Variants in GALNT14 observed in about 807,000 individuals in gnomAD.
GALNT14 encodes the protein polypeptide N-acetylgalactosaminyltransferase 14.
GALNT14 carries 60 observed loss-of-function variants against 77.5 expected under a neutral mutation model. That is an observed-to-expected ratio of 0.77 (90% CI 0.63 to 0.96). GALNT14 has a LOEUF of 0.96. Ranked by LOEUF, GALNT14 falls within the 40% of genes least tolerant of loss-of-function variation. GALNT14 has a pLI of 0.00. For synonymous variants in GALNT14, 280 were observed against 281.7 expected, an observed-to-expected ratio of 0.99 and a Z score of 0.06; for missense variants, 710 against 731.0, an observed-to-expected ratio of 0.97 and a Z score of 0.33.
In GALNT14 at chr2:30,911,056, A is replaced by G. The variant is rs1425628717; in HGVS notation, c.1504T>C (p.Trp502Arg). 2 of 1,613,522 alleles carry G rather than the reference A, an allele frequency of 1.2e-6. No homozygotes were observed. The highest frequency in any genetic ancestry group is 1.3e-5 in the African/African-American group (1 of 74,866). The change falls in exon 15 of 15, where the codon TGG becomes CGG. Residue 502 changes from tryptophan to arginine, a missense_variant. Physicochemically the swap from Trp to Arg is moderately radical, Grantham distance 101 (BLOSUM62 -3). Coordinates refer to ENST00000349752, the MANE Select transcript of GALNT14 (RefSeq NM_024572.4). Reference sequence around the variant, plus strand: ...TCGATGTGGGAACCAGTTTTGGTCCATTGCTGGTAAGACAAAGAAGAGAGT... The same window carrying G: ...TCGATGTGGGAACCAGTTTTGGTCCGTTGCTGGTAAGACAAAGAAGAGAGT... ...LCKNGDDRQQ[W>R]TKTGSHIEHI...
At chr2:31,078,430 AC>A (rs571437177) in intron 1 of GALNT14, among the ~76,000 whole-genome samples, 257 of 152,246 alleles carry the variant, frequency 1.7e-3, no homozygotes, top group African/African-American at 4.9e-3. Flanking sequence ...TGATAAGAAA[AC>A]CCTATTATTG....
chr2:30,949,204 T>A (rs1666880879), intron 6 of GALNT14, among the ~76,000 whole-genome samples: 3 of 152,162 alleles, frequency 2.0e-5, no homozygotes. Context: ...TCCGCTTTTG[T>A]ATTCCTCAGC....
chr2:31,114,995 C>T (rs10184641), intron 1 of GALNT14, among the ~76,000 whole-genome samples: 2,341 of 152,210 alleles, frequency 0.015, 51 homozygotes, highest in African/African-American at 0.053. Flanking sequence ...GCCTGTAATC[C>T]CAACACTTTA....
intron 9 of GALNT14, among the ~76,000 whole-genome samples, chr2:30,934,026 G>A (rs1455407185): frequency 1.3e-5 from 2 of 152,198 alleles, no homozygotes; most frequent in Non-Finnish European, 2.9e-5. Context: ...ATGACTTACA[G>A]ATGCTTCTTC....
rs568201469 is a variant in GALNT14 at position 31,042,989 on chromosome 2, C to T, written c.130-49982G>A. 2.6e-5 allele frequency among the ~76,000 whole-genome samples: 4 copies of T among 152,294 alleles called. No individual in the cohort carries two copies. In the East Asian group the frequency reaches 7.7e-4, roughly 29 times the overall value. On this transcript the variant is annotated intron_variant, in intron 1 of 14. Transcript: ENST00000349752. ...AAAGTCCCTTTTACAGCTTACAAAGCCATGCTGGATATGGCCACGGTCACC... is the reference window on the plus strand; with the variant it reads ...AAAGTCCCTTTTACAGCTTACAAAGTCATGCTGGATATGGCCACGGTCACC...
chr2:31,060,096 T>C (rs1674494932), intron 1 of GALNT14, among the ~76,000 whole-genome samples: 2 of 152,208 alleles, frequency 1.3e-5, no homozygotes, highest in African/African-American at 4.8e-5. Context: ...AAGATGTTAT[T>C]AGCTGTACTC....
intron 1 of GALNT14, among the ~76,000 whole-genome samples, chr2:31,128,578 T>C (rs1331133038): frequency 6.6e-6 from 1 of 152,188 alleles, no homozygotes; most frequent in East Asian, 1.9e-4. Context: ...GATTTCTAAC[T>C]TGGAGCAGCC....
At chr2:30,949,283 C>A (rs1666884379) in intron 6 of GALNT14, among the ~76,000 whole-genome samples, 1 of 152,064 alleles carries the variant, frequency 6.6e-6, no homozygotes, top group Non-Finnish European at 1.5e-5. Context: ...TCTATTAGCT[C>A]CCTCTAAGGA....
At chr2:31,129,922 C>G (rs11676188) in intron 1 of GALNT14, among the ~76,000 whole-genome samples, 26,377 of 152,144 alleles carry the variant, frequency 0.17, 2,577 homozygotes, top group Middle Eastern at 0.26. Flanking sequence ...TTCAGGCTCT[C>G]TCCTTGCCTA....
At chr2:31,027,863 C>A (rs905174111) in intron 1 of GALNT14, among the ~76,000 whole-genome samples, 1 of 129,250 alleles carries the variant, frequency 7.7e-6, no homozygotes, top group African/African-American at 2.8e-5. Context: ...GGATATGATA[C>A]TCTAAGAGGG....
intron 1 of GALNT14, among the ~76,000 whole-genome samples, chr2:30,993,669 G>C (rs1453197140): frequency 6.6e-6 from 1 of 152,226 alleles, no homozygotes; most frequent in African/African-American, 2.4e-5. Context: ...ACCGTACATG[G>C]ATAGAGCACT....
At position 30,954,764 on chromosome 2, in the gene GALNT14, G is replaced by T. The variant is rs191881336; in HGVS notation, c.654+854C>A. Reference sequence around the variant, plus strand: ...CACAGCACAGGGAAGATGCTGTTGAGGTAACGCCAGCGTTCTGGTGCTGGT... The same window carrying T: ...CACAGCACAGGGAAGATGCTGTTGATGTAACGCCAGCGTTCTGGTGCTGGT... On this transcript the variant is annotated intron_variant, in intron 6 of 14. Coordinates refer to ENST00000349752, the MANE Select transcript of GALNT14 (RefSeq NM_024572.4). Among the ~76,000 whole-genome samples, 151 of 152,358 alleles carry T rather than the reference G, an allele frequency of 9.9e-4. 1 individual carries two copies. The highest frequency in any genetic ancestry group is 3.6e-3 in the African/African-American group (149 of 41,582).
intron 1 of GALNT14, among the ~76,000 whole-genome samples, chr2:31,059,694 G>A (rs1674466793): frequency 1.3e-5 from 2 of 152,176 alleles, no homozygotes; most frequent in African/African-American, 4.8e-5. Context: ...AACAGAGCAA[G>A]ACACTGTATT....
chr2:30,989,870 A>G (rs1196174612), intron 2 of GALNT14, among the ~76,000 whole-genome samples: 8 of 151,828 alleles, frequency 5.3e-5, no homozygotes, highest in Non-Finnish European at 8.8e-5. Flanking sequence ...CCAGGACTGT[A>G]AACAGGGCAA....
chr2:30,987,997 A>G (rs1669417306), intron 2 of GALNT14, among the ~76,000 whole-genome samples: 1 of 152,140 alleles, frequency 6.6e-6, no homozygotes, highest in Non-Finnish European at 1.5e-5. Context: ...TTAAGGGAAA[A>G]GCATTTTTCC....
chr2:31,025,898 C>T (rs907113774), intron 1 of GALNT14, among the ~76,000 whole-genome samples: 10 of 152,166 alleles, frequency 6.6e-5, no homozygotes, highest in African/African-American at 2.4e-4. Context: ...CAATTTCTTT[C>T]TTTTTCAGGA....
At chr2:31,137,280 C>G (rs1203890762) in intron 1 of GALNT14, among the ~76,000 whole-genome samples, 1 of 152,208 alleles carries the variant, frequency 6.6e-6, no homozygotes, top group African/African-American at 2.4e-5. Context: ...CCTTCTGGCT[C>G]CCTCACAGGA....
intron 1 of GALNT14, among the ~76,000 whole-genome samples, chr2:31,109,660 C>A (rs1677739011): frequency 6.6e-6 from 1 of 152,138 alleles, no homozygotes; most frequent in African/African-American, 2.4e-5. Flanking sequence ...GTAATGGACG[C>A]GATGTGGTAC....
At chr2:30,890,538 C>T in the GALNT14 span, among the ~76,000 whole-genome samples, 91 of 152,200 alleles carry the variant, frequency 6.0e-4, no homozygotes, top group Admixed American at 9.2e-4. Context: ...ATGAGATACA[C>T]GATTATTAGT....
Sources: gnomAD v4.1 joint callset for allele counts (sites outside exome capture counted in the v4.1 genomes callset) on GRCh38, gnomAD v4.1.1 for gene constraint, MANE v1.5 for transcripts, NCBI Gene and HGNC (gene_info 2026-07-23, HGNC 2026-07-21) for gene names.